Variants in EML1 observed in about 807,000 individuals in gnomAD.
EML1 encodes the protein EMAP like 1.
Under a neutral mutation model 110.4 loss-of-function variants are expected in EML1, and 27 were observed. The ratio of observed to expected loss-of-function variants is 0.24; its 90% CI spans 0.18 to 0.34. The LOEUF is 0.34. EML1 is among the 10% of genes least tolerant of loss of function. The pLI is 1.00. For synonymous variants in EML1, 344 were observed against 385.8 expected, an observed-to-expected ratio of 0.89 and a Z score of 1.27; for missense variants, 741 against 1,030.9, an observed-to-expected ratio of 0.72 and a Z score of 3.85.
At chr14:99,847,904 A>G (rs1166058686) in intron 1 of EML1, among the ~76,000 whole-genome samples, 1 of 151,998 alleles carries the variant, frequency 6.6e-6, no homozygotes, top group Middle Eastern at 3.2e-3. Context: ...TTTAAAGTGT[A>G]TCTCTTGTAG....
intron 1 of EML1, among the ~76,000 whole-genome samples, chr14:99,799,878 C>T (rs2057842470): frequency 6.6e-6 from 1 of 152,172 alleles, no homozygotes; most frequent in African/African-American, 2.4e-5. Context: ...AAACCTTCAT[C>T]ATGGATAACA....
chr14:99,803,152 G>A (rs988277957), intron 1 of EML1, among the ~76,000 whole-genome samples: 15 of 152,122 alleles, frequency 9.9e-5, no homozygotes, highest in African/African-American at 3.6e-4. Flanking sequence ...TGCCTGGCAC[G>A]TGGTGAGTTT....
At chr14:99,776,339 C>A (rs2057482178) in intron 1 of EML1, among the ~76,000 whole-genome samples, 1 of 152,046 alleles carries the variant, frequency 6.6e-6, no homozygotes, top group Non-Finnish European at 1.5e-5. Context: ...CCCGTCTCAA[C>A]TAAAAATACA....
intron 1 of EML1, chr14:99,850,240 A>G: frequency 7.2e-6 from 9 of 1,254,590 alleles, no homozygotes; most frequent in Non-Finnish European, 9.4e-6. Flanking sequence ...CAGTAAGTGA[A>G]GGGAAGAATG....
chr14:99,938,535 C>T (rs1053075974), intron 20 of EML1, among the ~76,000 whole-genome samples: 38 of 152,144 alleles, frequency 2.5e-4, no homozygotes, highest in African/African-American at 8.4e-4. Flanking sequence ...AGGGTTTCCC[C>T]GACAATGGTC....
upstream of EML1, chr14:99,793,243 G>GC: frequency 1.3e-6 from 1 of 754,570 alleles, no homozygotes; most frequent in Non-Finnish European, 1.6e-6. Flanking sequence ...CCCCCTCCCG[G>GC]CCCGGGCCCC....
chr14:99,811,431 T>G (rs923824682), intron 1 of EML1, among the ~76,000 whole-genome samples: 22 of 149,058 alleles, frequency 1.5e-4, no homozygotes, highest in Non-Finnish European at 2.9e-4. Flanking sequence ...AAGCAGTCGA[T>G]TAACACATAT....
intron 3 of EML1, chr14:99,874,808 A>G: frequency 1.3e-6 from 1 of 759,176 alleles, no homozygotes; most frequent in Non-Finnish European, 2.0e-6. Flanking sequence ...TGCGAACCAA[A>G]ATGTCTTTCG....
chr14:99,850,749 T>C (rs1317742892), intron 1 of EML1, 104 bp from the exon 2 acceptor site: 10 of 1,235,610 alleles, frequency 8.1e-6, no homozygotes, highest in Non-Finnish European at 1.1e-5. Flanking sequence ...TAAGTGTTAC[T>C]ATGTTAAAAC....
At chr14:99,887,689 T>C (rs1211964964) in intron 4 of EML1, among the ~76,000 whole-genome samples, 1 of 152,142 alleles carries the variant, frequency 6.6e-6, no homozygotes, top group Non-Finnish European at 1.5e-5. Context: ...CCACTCCAAG[T>C]GAATTCACCG....
intron 4 of EML1, among the ~76,000 whole-genome samples, chr14:99,886,535 T>C (rs1190365648): frequency 1.3e-5 from 2 of 152,206 alleles, no homozygotes; most frequent in African/African-American, 4.8e-5. Context: ...GATTAATAAA[T>C]TGTAGGGAAA....
intron 19 of EML1, among the ~76,000 whole-genome samples, chr14:99,937,020 A>G (rs962070334): frequency 1.3e-5 from 2 of 152,210 alleles, no homozygotes; most frequent in African/African-American, 4.8e-5. Flanking sequence ...GCGTCTTCTC[A>G]GATGACCTAC....
chr14:99,887,239 T>A (rs921536877), intron 4 of EML1, among the ~76,000 whole-genome samples: 1 of 152,186 alleles, frequency 6.6e-6, no homozygotes, highest in African/African-American at 2.4e-5. Context: ...ACCATTCAGC[T>A]CAAGGGAGCA....
chr14:99,831,397 G>A (rs957588360), intron 1 of EML1, among the ~76,000 whole-genome samples: 2 of 152,188 alleles, frequency 1.3e-5, no homozygotes, highest in African/African-American at 4.8e-5. Context: ...GGAAAGGCAT[G>A]GGTAGAGGTT....
chr14:99,868,032 A>C (rs1957510), intron 3 of EML1, among the ~76,000 whole-genome samples: 54,748 of 151,928 alleles, frequency 0.36, 10,799 homozygotes, highest in African/African-American at 0.52. Context: ...CATGAAAAGG[A>C]GTTGAATTTT....
Position 99,865,559 on chromosome 14 carries a change from A to G in EML1, c.296A>G (p.Asn99Ser). The G allele has an allele frequency of 6.2e-7, 1 of 1,614,210 alleles. No homozygotes were observed. The highest frequency in any genetic ancestry group is 8.5e-7 in the Non-Finnish European group (1 of 1,180,038). Residue 99 changes from asparagine (N) to serine (S), a missense_variant, in exon 3 of 22, where the codon AAT becomes AGT. Asn to Ser is a conservative substitution (Grantham distance 46). Coordinates refer to ENST00000262233, the MANE Select transcript of EML1 (RefSeq NM_004434.3). ...QTLPLRTTVN[N>S]GTVLPKKPTG... ...CTGCCTTTAAGAACCACGGTCAACA[A>G]TGGCACTGTGTTACCAAAGAAACCT...
chr14:99,812,517 C>A (rs1284509047), intron 1 of EML1, among the ~76,000 whole-genome samples: 1 of 151,818 alleles, frequency 6.6e-6, no homozygotes, highest in Non-Finnish European at 1.5e-5. Flanking sequence ...TCCCAGTGAC[C>A]ATTCCTCGGC....
chr14:99,855,153 A>C (rs181020190), intron 2 of EML1, among the ~76,000 whole-genome samples: 1 of 152,398 alleles, frequency 6.6e-6, no homozygotes, highest in African/African-American at 2.4e-5. Context: ...AATGCAGGCT[A>C]TAAAACTGTA....
At chr14:99,923,560 T>TGC (rs2060167163) in intron 17 of EML1, among the ~76,000 whole-genome samples, 1 of 86,180 alleles carries the variant, frequency 1.2e-5, no homozygotes, top group African/African-American at 1.3e-4. Context: ...AGTCTTTCCC[T>TGC]GTTGAATTAT....
Sources: gnomAD v4.1 joint callset for allele counts (sites outside exome capture counted in the v4.1 genomes callset) on GRCh38, gnomAD v4.1.1 for gene constraint, MANE v1.5 for transcripts, NCBI Gene and HGNC (gene_info 2026-07-23, HGNC 2026-07-21) for gene names.